The following SGCZ variants were observed in gnomAD, a reference collection of about 807,000 sequenced individuals.
The protein encoded by SGCZ is zeta-sarcoglycan.
SGCZ carries 40 observed loss-of-function variants against 41.3 expected under a neutral mutation model. The observed-to-expected ratio is 0.97, with a 90% CI of 0.75 to 1.26. SGCZ has a LOEUF of 1.26. SGCZ is among the 50% of genes most tolerant of loss of function. SGCZ has a pLI of 0.00. For synonymous variants in SGCZ, 206 were observed against 137.5 expected (o/e 1.50, Z -3.49); for missense variants, 552 against 369.8 (o/e 1.49, Z -4.04).
At chr8:14,279,271 A>C (rs1235456331) in intron 3 of SGCZ, among the ~76,000 whole-genome samples, 1 of 152,074 alleles carries the variant, frequency 6.6e-6, no homozygotes, top group African/African-American at 2.4e-5. Context: ...CATAGCATTT[A>C]CAAACTTTGC....
intron 1 of SGCZ, among the ~76,000 whole-genome samples, chr8:15,084,027 A>T (rs1216271881): frequency 6.6e-6 from 1 of 152,206 alleles, no homozygotes; most frequent in African/African-American, 2.4e-5. Context: ...TCTCATGACC[A>T]TTAGAACACA....
At chr8:14,195,522 A>G (rs547595641) in intron 4 of SGCZ, among the ~76,000 whole-genome samples, 30 of 152,294 alleles carry the variant, frequency 2.0e-4, no homozygotes, top group Non-Finnish European at 3.7e-4. Context: ...AAAGTTTTCT[A>G]AGTTTGATGA....
intron 2 of SGCZ, among the ~76,000 whole-genome samples, chr8:14,495,920 G>A (rs1368536184): frequency 6.6e-6 from 1 of 152,118 alleles, no homozygotes; most frequent in Non-Finnish European, 1.5e-5. Flanking sequence ...ACATTTGTTG[G>A]ATCTAGGGAC....
At chr8:15,162,348 AG>A (rs1226134021) in intron 1 of SGCZ, among the ~76,000 whole-genome samples, 3 of 152,232 alleles carry the variant, frequency 2.0e-5, no homozygotes, top group Non-Finnish European at 4.4e-5. Flanking sequence ...TCTAACCCAA[AG>A]GAACATTTTA....
At chr8:14,474,361 A>G (rs2116986687) in intron 2 of SGCZ, among the ~76,000 whole-genome samples, 1 of 152,332 alleles carries the variant, frequency 6.6e-6, no homozygotes, top group East Asian at 1.9e-4. Context: ...TTTTGGGTCT[A>G]TAGACTTCTA....
At chr8:14,173,317 T>C (rs1472055637) in intron 4 of SGCZ, among the ~76,000 whole-genome samples, 1 of 151,946 alleles carries the variant, frequency 6.6e-6, no homozygotes, top group South Asian at 2.1e-4. Context: ...AGCAAAGATA[T>C]GAAGTTATTA....
chr8:15,080,707 C>T (rs924722084), intron 1 of SGCZ, among the ~76,000 whole-genome samples: 1 of 152,226 alleles, frequency 6.6e-6, no homozygotes, highest in Non-Finnish European at 1.5e-5. Flanking sequence ...TGTGCTGCCT[C>T]AGCCTCCCAA....
intron 1 of SGCZ, among the ~76,000 whole-genome samples, chr8:14,849,032 G>A (rs536864260): frequency 4.4e-4 from 67 of 152,140 alleles, no homozygotes; most frequent in African/African-American, 1.6e-3. Context: ...TGAACAGATT[G>A]TTCACCAAAT....
intron 5 of SGCZ, among the ~76,000 whole-genome samples, chr8:14,123,132 A>AAACTT (rs1416218321): frequency 4.6e-5 from 7 of 152,314 alleles, no homozygotes; most frequent in East Asian, 1.9e-4. Flanking sequence ...GAATGCAATA[A>AAACTT]AACTTAACGT....
At chr8:14,271,445 A>G (rs60018375) in intron 3 of SGCZ, among the ~76,000 whole-genome samples, 365 of 152,320 alleles carry the variant, frequency 2.4e-3, no homozygotes, top group African/African-American at 6.5e-3. Flanking sequence ...ACCCAGCAAT[A>G]TCAAGAACAA....
At chr8:14,871,381 C>T (rs1447096866) in intron 1 of SGCZ, among the ~76,000 whole-genome samples, 1 of 152,166 alleles carries the variant, frequency 6.6e-6, no homozygotes, top group Non-Finnish European at 1.5e-5. Context: ...AATCCCATTA[C>T]TGCGTATATA....
chr8:14,485,411 T>C (rs914555623), intron 2 of SGCZ, among the ~76,000 whole-genome samples: 4 of 152,086 alleles, frequency 2.6e-5, no homozygotes, highest in Non-Finnish European at 5.9e-5. Context: ...TAATTTTTTG[T>C]GTTTTTAGTA....
intron 5 of SGCZ, among the ~76,000 whole-genome samples, chr8:14,145,572 AC>A (rs1427575377): frequency 1.3e-5 from 2 of 152,182 alleles, no homozygotes; most frequent in African/African-American, 4.8e-5. Flanking sequence ...GGAAAACATG[AC>A]CTCAGTAAAT....
intron 1 of SGCZ, among the ~76,000 whole-genome samples, chr8:15,057,322 C>T (rs557696460): frequency 6.6e-6 from 1 of 152,258 alleles, no homozygotes; most frequent in Admixed American, 6.5e-5. Flanking sequence ...TTCAGGGACT[C>T]CCTACTTGGT....
chr8:14,522,762 C>A (rs1802828386), intron 2 of SGCZ, among the ~76,000 whole-genome samples: 1 of 151,634 alleles, frequency 6.6e-6, no homozygotes, highest in African/African-American at 2.4e-5. Flanking sequence ...CTTCATTCTG[C>A]TTCTGTAGGC....
chr8:14,136,063 A>G (rs1427176022), intron 5 of SGCZ, among the ~76,000 whole-genome samples: 1 of 152,216 alleles, frequency 6.6e-6, no homozygotes, highest in Non-Finnish European at 1.5e-5. Flanking sequence ...ATATAATTAC[A>G]CAGAGAAATC....
Position 15,219,671 on chromosome 8 carries a change from C to T in SGCZ, c.39+17914G>A, listed in dbSNP as rs529543878. ...TATTTACCGGAATGCTACTATTCACCTCATCTAAGTGAATACAGAAGGAAA... is the reference window on the plus strand; with the variant it reads ...TATTTACCGGAATGCTACTATTCACTTCATCTAAGTGAATACAGAAGGAAA... On this transcript the variant is annotated intron_variant, in intron 1 of 7. Transcript: ENST00000382080. Among the ~76,000 whole-genome samples, 17 of 152,180 alleles carry T rather than the reference C, an allele frequency of 1.1e-4. No homozygotes were observed. The South Asian group carries it at 2.5e-3, about 22-fold the overall frequency.
intron 1 of SGCZ, among the ~76,000 whole-genome samples, chr8:15,169,159 C>G (rs268401): frequency 1.3e-5 from 2 of 152,094 alleles, no homozygotes; most frequent in Non-Finnish European, 2.9e-5. Flanking sequence ...CTGACTGCCG[C>G]TTCCCCCAAA....
intron 2 of SGCZ, among the ~76,000 whole-genome samples, chr8:14,438,571 A>C (rs1423424437): frequency 1.3e-5 from 2 of 152,000 alleles, no homozygotes; most frequent in Admixed American, 6.6e-5. Context: ...AAGCATAAAA[A>C]GTGTTCCTAG....
Sources: allele counts gnomAD v4.1 joint callset (sites outside exome capture counted in the v4.1 genomes callset), GRCh38; gene constraint gnomAD v4.1.1; transcripts MANE v1.5; gene names NCBI Gene and HGNC (gene_info 2026-07-23, HGNC 2026-07-21).